Variants in ARHGAP24 observed in about 807,000 individuals in gnomAD.
ARHGAP24 encodes the protein rho GTPase-activating protein 24.
ARHGAP24 carries 50 observed loss-of-function variants against 76.4 expected under a neutral mutation model. That is an observed-to-expected ratio of 0.65 (90% CI 0.52 to 0.83). The LOEUF (loss-of-function observed/expected upper bound fraction) is 0.83. Among genes scored for constraint, ARHGAP24 ranks in the 40% least tolerant of loss-of-function variants. The pLI is 0.00. For synonymous variants in ARHGAP24, 345 were observed against 323.3 expected, an observed-to-expected ratio of 1.07 and a Z score of -0.72; for missense variants, 930 against 914.2, an observed-to-expected ratio of 1.02 and a Z score of -0.22.
chr4:85,519,526 G>T (rs1560517640), intron 1 of ARHGAP24, among the ~76,000 whole-genome samples: 1 of 152,110 alleles, frequency 6.6e-6, no homozygotes, highest in Non-Finnish European at 1.5e-5. Context: ...TGAGAGCTTG[G>T]AAGTGGGTGA....
intron 2 of ARHGAP24, among the ~76,000 whole-genome samples, chr4:85,683,891 A>G (rs1424512411): frequency 6.6e-6 from 1 of 152,156 alleles, no homozygotes; most frequent in Non-Finnish European, 1.5e-5. Context: ...ACTTAGCATA[A>G]TGTCCTCCAG....
chr4:85,599,203 G>A (rs2109986816), intron 2 of ARHGAP24, among the ~76,000 whole-genome samples: 1 of 152,210 alleles, frequency 6.6e-6, no homozygotes, highest in Admixed American at 6.6e-5. Flanking sequence ...GCTGTGGAGA[G>A]ATGTTTAGAA....
intron 2 of ARHGAP24, among the ~76,000 whole-genome samples, chr4:85,678,342 C>T (rs1303854605): frequency 6.6e-6 from 1 of 152,134 alleles, no homozygotes; most frequent in African/African-American, 2.4e-5. Flanking sequence ...TGTACTCCAG[C>T]CTGGGTGACA....
At chr4:85,970,801 C>T (rs1013256730) in intron 5 of ARHGAP24, among the ~76,000 whole-genome samples, 1 of 151,982 alleles carries the variant, frequency 6.6e-6, no homozygotes, top group Non-Finnish European at 1.5e-5. Context: ...CTACTCTTCC[C>T]GGTTCCAGGA....
At chr4:85,518,819 A>G (rs773903892) in intron 1 of ARHGAP24, among the ~76,000 whole-genome samples, 15 of 152,198 alleles carry the variant, frequency 9.9e-5, no homozygotes, top group African/African-American at 1.2e-4. Flanking sequence ...TTGTTCTGCT[A>G]TAAACATGTG....
At chr4:85,501,614 G>A (rs1723819555) in intron 1 of ARHGAP24, among the ~76,000 whole-genome samples, 1 of 152,160 alleles carries the variant, frequency 6.6e-6, no homozygotes, top group Non-Finnish European at 1.5e-5. Flanking sequence ...GTAGAATTTG[G>A]ATATTAGCAC....
rs2109963549 is a variant in ARHGAP24, at chr4:85,570,389, T to TC, written c.-20-132dup. Reference sequence around the variant, plus strand: ...CTCTTTCTTTCTTTCTTTCTTTCTTTCTTTCTTTCTTTCTTTCTTTCTTTC... The same window carrying TC: ...CTCTTTCTTTCTTTCTTTCTTTCTTTCCTTTCTTTCTTTCTTTCTTTCTTTC... On this transcript the variant is annotated intron_variant, in intron 1 of 9. Transcript: ENST00000395184. 3 of 20,128 alleles carry TC rather than the reference T, an allele frequency of 1.5e-4. 1 individual carries two copies. 1.2% of individuals were successfully genotyped at this position (20,128 alleles called of 1,614,324 possible). A position where few individuals can be genotyped will look rare whatever the true frequency, so the allele number is the denominator to read the frequency against.
intron 3 of ARHGAP24, among the ~76,000 whole-genome samples, chr4:85,823,179 A>G (rs1339804966): frequency 6.6e-6 from 1 of 152,218 alleles, no homozygotes; most frequent in Admixed American, 6.5e-5. Flanking sequence ...GATCAGAAAG[A>G]AAATAAAATT....
intron 3 of ARHGAP24, among the ~76,000 whole-genome samples, chr4:85,810,745 T>TA (rs942436725): frequency 6.6e-5 from 10 of 152,134 alleles, no homozygotes; most frequent in South Asian, 2.1e-4. Flanking sequence ...CCAATCAAAT[T>TA]AAAAAAAAGT....
chr4:85,797,001 G>A (rs957286381), intron 3 of ARHGAP24, among the ~76,000 whole-genome samples: 4 of 152,166 alleles, frequency 2.6e-5, no homozygotes, highest in Non-Finnish European at 5.9e-5. Context: ...TGGAGGGGCT[G>A]GGTGCTGGAG....
intron 8 of ARHGAP24, among the ~76,000 whole-genome samples, chr4:85,989,489 C>T (rs1578473709): frequency 6.6e-6 from 1 of 151,772 alleles, no homozygotes; most frequent in South Asian, 2.1e-4. Flanking sequence ...TGTGCACAGA[C>T]TCTTTCAGAA....
rs184845492 is a variant in ARHGAP24, at chr4:85,852,456, C to T, written c.269-71192C>T. Among the ~76,000 whole-genome samples the T allele has an allele frequency of 6.6e-5, 10 of 152,316 alleles. No homozygotes were observed. In the East Asian group the frequency reaches 1.2e-3, roughly 18 times the overall value. ...CTTCTGAAGCCTAATTCTGTCAACT[C>T]GTCAAAGTCATTCTCCATCCAGCCT... On this transcript the variant is annotated intron_variant, in intron 3 of 9. Transcript: ENST00000395184.
At chr4:85,874,051 C>T (rs929392809) in intron 3 of ARHGAP24, among the ~76,000 whole-genome samples, 2 of 152,050 alleles carry the variant, frequency 1.3e-5, no homozygotes, top group Non-Finnish European at 2.9e-5. Flanking sequence ...ACAAAGTGGC[C>T]TAATAAAAAT....
rs546071131 is a variant in ARHGAP24, at chr4:86,000,906, A to G, written c.*184A>G. 4.0e-5 allele frequency: 34 copies of G among 843,630 alleles called. No homozygotes were observed. In the East Asian group the frequency reaches 8.1e-4, roughly 20 times the overall value. The allele number at this position is 843,630 out of a possible 1,614,324, so 52.3% of individuals were successfully genotyped here. ...GTACCAAAGTTATATCATGCCCCAT[A>G]ATGCTACTGTCAAGTGTTACAACTG... On this transcript the variant is annotated 3_prime_UTR_variant, in exon 10 of 10. Transcript: ENST00000395184.
chr4:85,709,619 AC>A lies in ARHGAP24; in HGVS notation c.181-12262del, dbSNP rs148205045. ...ACTTCAATTTAGCATTTTATTAATGACCCCTTGTCAGCACACAAATAAATAA... is the reference window on the plus strand; with the variant it reads ...ACTTCAATTTAGCATTTTATTAATGACCCTTGTCAGCACACAAATAAATAA... On this transcript the variant is annotated intron_variant, in intron 2 of 9. Transcript: ENST00000395184. Among the ~76,000 whole-genome samples the A allele has an allele frequency of 3.9e-3, 594 of 152,240 alleles. 34 individuals carry two copies. The East Asian group carries it at 0.1, about 27-fold the overall frequency.
At chr4:85,866,519 A>T (rs1329628673) in intron 3 of ARHGAP24, among the ~76,000 whole-genome samples, 1 of 152,050 alleles carries the variant, frequency 6.6e-6, no homozygotes, top group African/African-American at 2.4e-5. Flanking sequence ...CAGTGCAGAG[A>T]TCTTTTGCTG....
chr4:85,779,078 T>C (rs1727422692), intron 3 of ARHGAP24: 1 of 722,110 alleles, frequency 1.4e-6, no homozygotes, highest in Non-Finnish European at 1.7e-6. Context: ...AGAGAAAATA[T>C]ACCCTTGAAA....
At chr4:85,908,138 G>C (rs1350079169) in intron 3 of ARHGAP24, among the ~76,000 whole-genome samples, 1 of 151,924 alleles carries the variant, frequency 6.6e-6, no homozygotes, top group Non-Finnish European at 1.5e-5. Context: ...CTCAACTTTG[G>C]GACTATTTGT....
At chr4:85,699,877 G>A (rs941352467) in intron 2 of ARHGAP24, among the ~76,000 whole-genome samples, 18 of 151,976 alleles carry the variant, frequency 1.2e-4, no homozygotes, top group African/African-American at 4.1e-4. Context: ...ATAGTGCCTG[G>A]CCCATAGTAG....
Sources: gnomAD v4.1 joint callset for allele counts (sites outside exome capture counted in the v4.1 genomes callset) on GRCh38, gnomAD v4.1.1 for gene constraint, MANE v1.5 for transcripts, NCBI Gene and HGNC (gene_info 2026-07-23, HGNC 2026-07-21) for gene names.